Variants in ABI3BP observed in about 807,000 individuals in gnomAD.
ABI3BP encodes ABI family member 3 binding protein.
ABI3BP carries 216 observed loss-of-function variants against 268.6 expected under a neutral mutation model. The observed-to-expected ratio is 0.80, with a 90% confidence interval of 0.72 to 0.90. The LOEUF (loss-of-function observed/expected upper bound fraction) is 0.90, where lower values mean the gene tolerates loss of function less well. Ranked by LOEUF, ABI3BP falls within the 40% of genes least tolerant of loss-of-function variation. The pLI, the probability that ABI3BP is intolerant of heterozygous loss-of-function variation, is 0.00. For synonymous variants in ABI3BP, 730 were observed against 730.0 expected (o/e 1.00, Z 0.00); for missense variants, 2,090 against 2,182.4 (o/e 0.96, Z 0.84).
intron 14 of ABI3BP, among the ~76,000 whole-genome samples, chr3:100,852,336 C>T (rs1382352781): frequency 6.6e-6 from 1 of 152,064 alleles, no homozygotes. Flanking sequence ...GGCAATTTGC[C>T]CAAAGTCTAT....
At chr3:100,941,491 G>T (rs2069211222) in intron 1 of ABI3BP, among the ~76,000 whole-genome samples, 1 of 152,046 alleles carries the variant, frequency 6.6e-6, no homozygotes, top group South Asian at 2.1e-4. Flanking sequence ...AAGTCCAAGG[G>T]GGAAAATCTT....
At chr3:100,905,994 G>A (rs747272334) in intron 2 of ABI3BP, among the ~76,000 whole-genome samples, 18 of 152,224 alleles carry the variant, frequency 1.2e-4, no homozygotes, top group South Asian at 6.2e-4. Context: ...GGCCCTGCAA[G>A]TTATGTAACT....
intron 2 of ABI3BP, among the ~76,000 whole-genome samples, chr3:100,915,831 TC>T (rs147715108): frequency 0.019 from 2,931 of 152,294 alleles, 42 homozygotes; most frequent in South Asian, 0.05. Flanking sequence ...TCATTTCATT[TC>T]CTGTGCTCCT....
rs1017061100 is a variant in ABI3BP at position 100,852,034 on chromosome 3, T to C, written c.1286-94A>G. The C allele has an allele frequency of 5.2e-6, 6 of 1,155,526 alleles. No homozygotes were observed. The African/African-American group carries it at 6.3e-5, about 12-fold the overall frequency. The allele number at this position is 1,155,526 out of a possible 1,614,324, so 71.6% of individuals were successfully genotyped here. On this transcript the variant is annotated intron_variant, in intron 14 of 67. Transcript: ENST00000471714. ...ATTACATGACATGTTGTAATGCTGG[T>C]TGAAGGACAGTTTTATGTAGGTACT... is the stretch of plus-strand genomic sequence containing the variant.
At chr3:100,767,013 G>C (rs1453129321) in intron 62 of ABI3BP, among the ~76,000 whole-genome samples, 1 of 152,078 alleles carries the variant, frequency 6.6e-6, no homozygotes. Context: ...TTTGGGGGAG[G>C]ATTTTTTTTT....
At chr3:100,836,409 T>G (rs981431942) in intron 27 of ABI3BP, among the ~76,000 whole-genome samples, 2 of 152,244 alleles carry the variant, frequency 1.3e-5, no homozygotes, top group South Asian at 4.2e-4. Context: ...AAACATCTCA[T>G]CCTCAAAAAC....
At chr3:100,886,016 T>G in intron 5 of ABI3BP, 126 bp downstream of exon 5, 1 of 661,146 alleles carries the variant, frequency 1.5e-6, no homozygotes, top group Non-Finnish European at 2.3e-6. Flanking sequence ...CTTCTATATT[T>G]TCATAAATAC....
intron 9 of ABI3BP, among the ~76,000 whole-genome samples, chr3:100,869,647 C>T (rs1011141759): frequency 6.6e-6 from 1 of 152,094 alleles, no homozygotes; most frequent in African/African-American, 2.4e-5. Context: ...AGCCACTGCA[C>T]CAGGCCATAC....
At chr3:100,854,743 G>T (rs1470067777) in intron 14 of ABI3BP, among the ~76,000 whole-genome samples, 1 of 152,044 alleles carries the variant, frequency 6.6e-6, no homozygotes, top group Non-Finnish European at 1.5e-5. Context: ...TAAATCGAAT[G>T]CAACAAATAA....
At chr3:100,799,263 C>T (rs1002924154) in intron 51 of ABI3BP, among the ~76,000 whole-genome samples, 3 of 152,136 alleles carry the variant, frequency 2.0e-5, no homozygotes, top group African/African-American at 4.8e-5. Context: ...GGTCCAGCCT[C>T]CACTCATTTC....
At chr3:100,988,863 T>G (rs756408492) in intron 1 of ABI3BP, among the ~76,000 whole-genome samples, 1 of 152,256 alleles carries the variant, frequency 6.6e-6, no homozygotes, top group Non-Finnish European at 1.5e-5. Flanking sequence ...ATTAAAGGTA[T>G]AGTCATTTGC....
intron 62 of ABI3BP, 105 bp downstream of exon 62, chr3:100,770,638 C>T (rs1224814347): frequency 1.8e-6 from 2 of 1,132,942 alleles, no homozygotes; most frequent in Non-Finnish European, 1.2e-6. Flanking sequence ...TTTGTCTCCT[C>T]CCCAGGTATG....
chr3:100,990,898 T>A (rs1388310901), intron 1 of ABI3BP, among the ~76,000 whole-genome samples: 2 of 152,160 alleles, frequency 1.3e-5, no homozygotes, highest in African/African-American at 4.8e-5. Flanking sequence ...AAATAAATGG[T>A]TATGTTAGGT....
intron 1 of ABI3BP, among the ~76,000 whole-genome samples, chr3:100,973,450 T>C (rs185793966): frequency 1.4e-4 from 22 of 152,292 alleles, no homozygotes; most frequent in Admixed American, 1.0e-3. Context: ...CTGGGTTTTT[T>C]CAATGAGAAA....
intron 2 of ABI3BP, chr3:100,911,228 G>T: frequency 2.7e-6 from 1 of 366,094 alleles, no homozygotes; most frequent in Non-Finnish European, 5.2e-6. Context: ...ATTAAGGTCA[G>T]TTTGGCTACT....
intron 41 of ABI3BP, among the ~76,000 whole-genome samples, chr3:100,818,190 C>G (rs1363477842): frequency 6.6e-6 from 1 of 152,110 alleles, no homozygotes; most frequent in East Asian, 1.9e-4. Flanking sequence ...CTGTGCTTCC[C>G]TACAATTGAT....
chr3:100,797,689 A>T lies in ABI3BP; in HGVS notation c.3758-1221T>A, dbSNP rs1176706236. Among the ~76,000 whole-genome samples the T allele has an allele frequency of 2.0e-5, 3 of 151,920 alleles. No homozygotes were observed. In the East Asian group the frequency reaches 5.8e-4, roughly 29 times the overall value. On this transcript the variant is annotated intron_variant, in intron 51 of 67. Coordinates refer to ENST00000471714, the MANE Select transcript of ABI3BP (RefSeq NM_001375547.2). ...GAATCATGTTTAACTTGCATGCCAC[A>T]TCTGTTCTTAGACTAGGCTGCTAAG... is the stretch of plus-strand genomic sequence containing the variant.
intron 1 of ABI3BP, among the ~76,000 whole-genome samples, chr3:100,990,978 T>A (rs1265725774): frequency 3.0e-4 from 46 of 152,230 alleles, no homozygotes; most frequent in Admixed American, 3.0e-3. Context: ...AAAATAACAA[T>A]GGACTTATTT....
In ABI3BP at chr3:100,771,910, A is replaced by G. The variant is rs189404504; in HGVS notation, c.4532-958T>C. 2.5e-3 allele frequency among the ~76,000 whole-genome samples: 374 copies of G among 152,316 alleles called. 2 individuals carry two copies. Among genetic ancestry groups the G allele is most frequent in the African/African-American group, 8.4e-3 (348 of 41,576 alleles). Reference sequence around the variant, plus strand: ...TAAACCCATAGATCCAAAAAGCTCAAAGATACCTAGAAACAACAAAAATGT... The same window carrying G: ...TAAACCCATAGATCCAAAAAGCTCAGAGATACCTAGAAACAACAAAAATGT... On this transcript the variant is annotated intron_variant, in intron 61 of 67. Transcript: ENST00000471714.
Sources: gnomAD v4.1 joint callset for allele counts (sites outside exome capture counted in the v4.1 genomes callset) on GRCh38, gnomAD v4.1.1 for gene constraint, MANE v1.5 for transcripts, NCBI Gene and HGNC (gene_info 2026-07-23, HGNC 2026-07-21) for gene names.